The following CRMP1 variants were observed in gnomAD, a reference collection of about 807,000 sequenced individuals.
CRMP1 encodes the protein dihydropyrimidinase-related protein 1.
In CRMP1, 19 loss-of-function variants were observed where a neutral mutation model predicts 68.3. That is an observed-to-expected ratio of 0.28 (90% CI 0.19 to 0.41). The LOEUF is 0.41. Among genes scored for constraint, CRMP1 ranks in the 10% least tolerant of loss-of-function variants. CRMP1 has a pLI of 1.00. For synonymous variants in CRMP1, 439 were observed against 399.6 expected, an observed-to-expected ratio of 1.10 and a Z score of -1.18; for missense variants, 791 against 967.4, an observed-to-expected ratio of 0.82 and a Z score of 2.42.
At chr4:5,839,268 G>C (rs1007578921) in intron 9 of CRMP1, among the ~76,000 whole-genome samples, 14 of 152,238 alleles carry the variant, frequency 9.2e-5, no homozygotes, top group African/African-American at 2.9e-4. Flanking sequence ...GCCTGCCACA[G>C]AGCAGGTGCT....
Position 5,860,942 on chromosome 4 carries a change from G to C in CRMP1, c.655+84C>G, listed in dbSNP as rs540860216. ...AATGGCACCCTGGGCAGAGAGCCTC[G>C]AACACACTGAGCACTTGTGATGCTG... On this transcript the variant is annotated intron_variant, in intron 3 of 13. Coordinates refer to ENST00000324989, the MANE Select transcript of CRMP1 (RefSeq NM_001014809.3). This position sits in a 1 kb window ranked among gnomAD's most constrained non-coding sequence, Gnocchi z 4.2. 2.8e-6 allele frequency: 4 copies of C among 1,410,580 alleles called. No homozygotes were observed. The African/African-American group carries it at 4.2e-5, about 15-fold the overall frequency. 87.4% of individuals were successfully genotyped at this position (1,410,580 alleles called of 1,614,324 possible).
chr4:5,828,734 G>A, intron 11 of CRMP1, 66 bp from the exon 12 acceptor site: 2 of 1,550,018 alleles, frequency 1.3e-6, no homozygotes, highest in Non-Finnish European at 1.7e-6. Flanking sequence ...GTTCATAACA[G>A]CGATTTTGCC....
chr4:5,836,817 T>C lies in CRMP1; in HGVS notation c.1400A>G (p.Glu467Gly). 6.2e-7 allele frequency: 1 copy of C among 1,614,004 alleles called. No homozygotes were observed. The change falls in exon 10 of 14, where the codon GAG becomes GGG. Residue 467 changes from glutamate (E) to glycine (G), a missense_variant. Physicochemically the swap from Glu to Gly is moderately conservative, Grantham distance 98. Transcript: ENST00000324989. The part of the protein sequence containing the change: ...VGKDNFTLIP[E>G]GVNGIEERMT... ...CCGCTCCTCTATCCCGTTGACACCC[T>C]CGGGGATCAGGGTAAAGTTGTCCTT...
chr4:5,888,116 A>G lies in CRMP1; in HGVS notation c.381+4473T>C. ...GGCCCCGCCCCACCCGCGGCGACGCAGGAGGCCTCGGGGGGCGCCCCTGCC... is the reference window on the plus strand; with the variant it reads ...GGCCCCGCCCCACCCGCGGCGACGCGGGAGGCCTCGGGGGGCGCCCCTGCC... On this transcript the variant is annotated intron_variant, in intron 1 of 13. Coordinates refer to ENST00000324989, the MANE Select transcript of CRMP1 (RefSeq NM_001014809.3). The surrounding 1 kb of genome is among the most constrained non-coding windows in gnomAD (Gnocchi z 6.4). 8.6e-7 allele frequency: 1 copy of G among 1,161,332 alleles called. No individual in the cohort carries two copies. 71.9% of individuals were successfully genotyped at this position (1,161,332 alleles called of 1,614,324 possible).
Position 5,834,195 on chromosome 4 carries a change from C to G in CRMP1, c.1623+1720G>C. 6.6e-6 allele frequency among the ~76,000 whole-genome samples: 1 copy of G among 152,218 alleles called. No homozygotes were observed. Among genetic ancestry groups the G allele is most frequent in the East Asian group, 1.9e-4 (1 of 5,192 alleles). On this transcript the variant is annotated intron_variant, in intron 11 of 13. Coordinates refer to ENST00000324989, the MANE Select transcript of CRMP1 (RefSeq NM_001014809.3). The surrounding 1 kb of genome is among the most constrained non-coding windows in gnomAD (Gnocchi z 4.3). Reference sequence around the variant, plus strand: ...TGAAGCAAGGGGCAGCTCCCACAGCCAGATGGCGGTAGGAGTGCACACCCT... The same window carrying G: ...TGAAGCAAGGGGCAGCTCCCACAGCGAGATGGCGGTAGGAGTGCACACCCT...
intron 4 of CRMP1, among the ~76,000 whole-genome samples, chr4:5,852,866 C>G (rs1179916153): frequency 6.6e-6 from 1 of 152,070 alleles, no homozygotes; most frequent in Non-Finnish European, 1.5e-5. Flanking sequence ...CAGCTCAGCA[C>G]GAACAGGAGA....
chr4:5,864,060 T>C (rs1011287160), intron 2 of CRMP1, among the ~76,000 whole-genome samples: 4 of 152,206 alleles, frequency 2.6e-5, no homozygotes, highest in South Asian at 2.1e-4. Flanking sequence ...AACTGCATTT[T>C]TCCTCAACAG....
chr4:5,868,465 C>G (rs1170946561), intron 1 of CRMP1, among the ~76,000 whole-genome samples: 1 of 151,502 alleles, frequency 6.6e-6, no homozygotes, highest in East Asian at 1.9e-4. Context: ...CCACACTTGG[C>G]TAATTTTTTG....
chr4:5,856,291 A>C lies in CRMP1; in HGVS notation c.672T>G (p.Pro224=), dbSNP rs1234818004. The part of the protein sequence containing the change: ...GTTMIIDHVV[P]EPGSSLLTSF... ...AGGTCAGTAGGCTGGACCCAGGTTCAGGAACAACATGGTCAACTGGGACAG... is the reference window on the plus strand; with the variant it reads ...AGGTCAGTAGGCTGGACCCAGGTTCCGGAACAACATGGTCAACTGGGACAG... Residue 224 remains proline, a synonymous_variant, in exon 4 of 14, where the codon CCT becomes CCG. Transcript: ENST00000324989. The C allele has an allele frequency of 1.9e-6, 3 of 1,613,626 alleles. No individual in the cohort carries two copies.
intron 5 of CRMP1, among the ~76,000 whole-genome samples, chr4:5,851,017 G>C (rs537844938): frequency 6.6e-6 from 1 of 152,214 alleles, no homozygotes; most frequent in Non-Finnish European, 1.5e-5. Flanking sequence ...CTGTGTCAGA[G>C]CTCATAAATG....
rs1713012705 is a variant in CRMP1 at position 5,855,781 on chromosome 4, C to A, written c.820+362G>T. Among the ~76,000 whole-genome samples, 2 of 152,114 alleles carry A rather than the reference C, an allele frequency of 1.3e-5. No homozygotes were observed. Among genetic ancestry groups the A allele is most frequent in the Non-Finnish European group, 1.5e-5 (1 of 68,032 alleles). Reference sequence around the variant, plus strand: ...AGGCAGAGGAGAAAGGGCATTCATTCCTGGCAGGGGATCCACATGAGCAAG... The same window carrying A: ...AGGCAGAGGAGAAAGGGCATTCATTACTGGCAGGGGATCCACATGAGCAAG... On this transcript the variant is annotated intron_variant, in intron 4 of 13. Coordinates refer to ENST00000324989, the MANE Select transcript of CRMP1 (RefSeq NM_001014809.3). This position sits in a 1 kb window ranked among gnomAD's most constrained non-coding sequence, Gnocchi z 4.9.
intron 6 of CRMP1, among the ~76,000 whole-genome samples, chr4:5,846,217 A>AC (rs1712186319): frequency 6.6e-6 from 1 of 152,132 alleles, no homozygotes; most frequent in Admixed American, 6.5e-5. Flanking sequence ...AATCACTTGA[A>AC]CCCAGGAGAC....
intron 12 of CRMP1, chr4:5,828,089 G>T: frequency 1.0e-6 from 1 of 985,422 alleles, no homozygotes; most frequent in Non-Finnish European, 1.2e-6. Flanking sequence ...GGCCAGACCC[G>T]AGGGTTTCTG....
rs1161775800 is a variant in CRMP1 at position 5,854,413 on chromosome 4, T to G, written c.820+1730A>C. On this transcript the variant is annotated intron_variant, in intron 4 of 13. Coordinates refer to ENST00000324989, the MANE Select transcript of CRMP1 (RefSeq NM_001014809.3). This position sits in a 1 kb window ranked among gnomAD's most constrained non-coding sequence, Gnocchi z 4.0. ...CTCCTGGCTATGTTTTTTTTTTTTT[T>G]TTTTTTTTTTTAATAGAGTCGTGGT... is the stretch of plus-strand genomic sequence containing the variant. 4.1e-5 allele frequency among the ~76,000 whole-genome samples: 6 copies of G among 147,842 alleles called. No individual in the cohort carries two copies. Among genetic ancestry groups the G allele is most frequent in the South Asian group, 2.2e-4 (1 of 4,572 alleles).
intron 5 of CRMP1, among the ~76,000 whole-genome samples, chr4:5,849,761 C>T (rs1177324943): frequency 6.6e-6 from 1 of 152,188 alleles, no homozygotes; most frequent in Non-Finnish European, 1.5e-5. Flanking sequence ...CCTATCTATG[C>T]CTTTTGCTGT....
At position 5,854,147 on chromosome 4, in the gene CRMP1, T is replaced by C. The variant is rs555931013; in HGVS notation, c.820+1996A>G. The stretch of plus-strand genomic sequence containing the variant: ...AACCTGGGGAAAATTGCTCAGAACT[T>C]AACATTAGGTAAGGAAAGTAAGATA... On this transcript the variant is annotated intron_variant, in intron 4 of 13. Coordinates refer to ENST00000324989, the MANE Select transcript of CRMP1 (RefSeq NM_001014809.3). This position sits in a 1 kb window ranked among gnomAD's most constrained non-coding sequence, Gnocchi z 4.0. Among the ~76,000 whole-genome samples, 1 of 152,300 alleles carries C rather than the reference T, an allele frequency of 6.6e-6. No individual in the cohort carries two copies. The highest frequency in any genetic ancestry group is 1.9e-4 in the East Asian group (1 of 5,172).
Position 5,841,188 on chromosome 4 carries a change from C to T in CRMP1, c.1153+120G>A, listed in dbSNP as rs770261668. The T allele has an allele frequency of 2.5e-5, 37 of 1,494,424 alleles. No homozygotes were observed. Among genetic ancestry groups the T allele is most frequent in the South Asian group, 1.2e-4 (10 of 84,094 alleles). 92.6% of individuals were successfully genotyped at this position (1,494,424 alleles called of 1,614,324 possible). On this transcript the variant is annotated intron_variant, in intron 8 of 13. Transcript: ENST00000324989. The surrounding 1 kb of genome is among the most constrained non-coding windows in gnomAD (Gnocchi z 6.9). ...ACCATCCTTGTGTCAGGAGCATCCC[C>T]GCTCCACCCCTCCCTCCTCCGGCTG...
rs995383354 is a variant in CRMP1 at position 5,888,438 on chromosome 4, G to A, written c.381+4151C>T. On this transcript the variant is annotated intron_variant, in intron 1 of 13. Coordinates refer to ENST00000324989, the MANE Select transcript of CRMP1 (RefSeq NM_001014809.3). The surrounding 1 kb of genome is among the most constrained non-coding windows in gnomAD (Gnocchi z 6.4). ...CCACGCGCGGCTGCCCCGGCTGCTC[G>A]GCCCGCCCGCCGCCGCTCCGGCTGC... 1.6e-5 allele frequency: 19 copies of A among 1,215,426 alleles called. 1 individual carries two copies. In the African/African-American group the frequency reaches 1.9e-4, roughly 12 times the overall value. 75.3% of individuals were successfully genotyped at this position (1,215,426 alleles called of 1,614,324 possible).
intron 4 of CRMP1, among the ~76,000 whole-genome samples, chr4:5,852,216 C>T (rs141296852): frequency 2.6e-5 from 4 of 152,308 alleles, no homozygotes; most frequent in South Asian, 2.1e-4. Context: ...ACAGCTGCTC[C>T]GTCAGGGAGA....
Sources: gnomAD v4.1 joint callset for allele counts (sites outside exome capture counted in the v4.1 genomes callset) on GRCh38, gnomAD v4.1.1 for gene constraint, Gnocchi (gnomAD v3.1) non-coding constraint, MANE v1.5 for transcripts, NCBI Gene and HGNC (gene_info 2026-07-23, HGNC 2026-07-21) for gene names.